Variants in LRRC1 observed in about 807,000 individuals in gnomAD.
LRRC1 encodes leucine-rich repeat-containing protein 1.
Under a neutral mutation model 69.9 loss-of-function variants are expected in LRRC1, and 28 were observed. The observed-to-expected ratio is 0.40, with a 90% CI of 0.30 to 0.55. The LOEUF is 0.55. LRRC1 is among the 20% of genes least tolerant of loss of function. LRRC1 has a pLI of 0.47. For missense variants in LRRC1, 498 were observed against 609.0 expected, an observed-to-expected ratio of 0.82 and a Z score of 1.92; for synonymous variants, 236 against 240.2, an observed-to-expected ratio of 0.98 and a Z score of 0.16.
At chr6:53,902,506 G>A (rs1001483816) in intron 8 of LRRC1, 123 bp from the exon 9 acceptor site, 2 of 530,392 alleles carry the variant, frequency 3.8e-6, no homozygotes, top group Non-Finnish European at 6.5e-6. Context: ...TGAAAAGCTA[G>A]ATGAGGAAAA....
intron 2 of LRRC1, among the ~76,000 whole-genome samples, chr6:53,876,915 C>T (rs993106119): frequency 1.4e-4 from 22 of 152,208 alleles, no homozygotes; most frequent in Non-Finnish European, 1.6e-4. Context: ...TAACGGCCCT[C>T]TTCTCGCAGT....
chr6:53,803,718 G>A (rs920278598), intron 1 of LRRC1, among the ~76,000 whole-genome samples: 18 of 152,236 alleles, frequency 1.2e-4, no homozygotes, highest in African/African-American at 4.3e-4. Context: ...GACTCAGTTG[G>A]AAGAAATTTG....
intron 2 of LRRC1, among the ~76,000 whole-genome samples, chr6:53,843,951 T>C (rs1765863038): frequency 6.6e-6 from 1 of 152,170 alleles, no homozygotes; most frequent in Non-Finnish European, 1.5e-5. Context: ...TTTATGCCAA[T>C]CATAAGACAT....
intron 2 of LRRC1, among the ~76,000 whole-genome samples, chr6:53,844,072 A>G (rs17748474): frequency 0.022 from 3,396 of 152,196 alleles, 58 homozygotes; most frequent in Non-Finnish European, 0.036. Flanking sequence ...GTTGATGAGC[A>G]GCTTCGCTTA....
chr6:53,819,395 G>A (rs1765049743), intron 1 of LRRC1, among the ~76,000 whole-genome samples: 1 of 152,086 alleles, frequency 6.6e-6, no homozygotes, highest in Non-Finnish European at 1.5e-5. Context: ...ACTTAAAGAA[G>A]ACGTTATGTT....
intron 1 of LRRC1, among the ~76,000 whole-genome samples, chr6:53,796,254 G>A (rs967430622): frequency 6.6e-6 from 1 of 152,234 alleles, no homozygotes; most frequent in Non-Finnish European, 1.5e-5. Flanking sequence ...CATTGCCGCC[G>A]AACTTGTCAA....
chr6:53,823,056 A>G (rs1017368462), intron 1 of LRRC1, among the ~76,000 whole-genome samples: 3 of 152,176 alleles, frequency 2.0e-5, no homozygotes, highest in African/African-American at 7.2e-5. Flanking sequence ...AAGGTTTTCA[A>G]AATTCTCCAG....
chr6:53,840,268 T>G (rs1205901067), intron 1 of LRRC1, among the ~76,000 whole-genome samples: 1 of 152,198 alleles, frequency 6.6e-6, no homozygotes, highest in Non-Finnish European at 1.5e-5. Flanking sequence ...AATTTTAGGT[T>G]GGGAATAATG....
chr6:53,824,875 G>A (rs1438321575), intron 1 of LRRC1, among the ~76,000 whole-genome samples: 1 of 152,154 alleles, frequency 6.6e-6, no homozygotes, highest in African/African-American at 2.4e-5. Context: ...GGGTCACCTG[G>A]CCCATGCTTG....
At position 53,805,690 on chromosome 6, in the gene LRRC1, C is replaced by G. The variant is rs116089150; in HGVS notation, c.159+10275C>G. On this transcript the variant is annotated intron_variant, in intron 1 of 13. Coordinates refer to ENST00000370888, the MANE Select transcript of LRRC1 (RefSeq NM_018214.5). The stretch of plus-strand genomic sequence containing the variant: ...AAAGTTACATGTGTTACTCTGTAGA[C>G]AGTGCTGAGAACAGTATCTGGGAGA... Among the ~76,000 whole-genome samples, 1,066 of 152,312 alleles carry G rather than the reference C, an allele frequency of 7.0e-3. 11 individuals carry two copies. The highest frequency in any genetic ancestry group is 0.024 in the African/African-American group (1,007 of 41,556).
At chr6:53,906,977 A>G (rs576634526) in intron 10 of LRRC1, among the ~76,000 whole-genome samples, 3 of 152,370 alleles carry the variant, frequency 2.0e-5, no homozygotes, top group African/African-American at 7.2e-5. Flanking sequence ...GCTGCCTAGC[A>G]GAAATGGTTG....
Position 53,878,071 on chromosome 6 carries a change from A to G in LRRC1, c.278-922A>G, listed in dbSNP as rs561366293. ...GAGGGAGTCACATCTTATGTGGATGACGACAGGCAAAGAGAGCTTGTGCAG... is the reference window on the plus strand; with the variant it reads ...GAGGGAGTCACATCTTATGTGGATGGCGACAGGCAAAGAGAGCTTGTGCAG... On this transcript the variant is annotated intron_variant, in intron 2 of 13. Coordinates refer to ENST00000370888, the MANE Select transcript of LRRC1 (RefSeq NM_018214.5). Among the ~76,000 whole-genome samples, 6 of 152,326 alleles carry G rather than the reference A, an allele frequency of 3.9e-5. No individual in the cohort carries two copies. The East Asian group carries it at 1.2e-3, about 29-fold the overall frequency.
intron 4 of LRRC1, among the ~76,000 whole-genome samples, chr6:53,888,856 A>C (rs1581901335): frequency 6.6e-6 from 1 of 152,312 alleles, no homozygotes; most frequent in East Asian, 1.9e-4. Context: ...AAATGGATAA[A>C]TTGGACTGCA....
Position 53,923,461 on chromosome 6 carries a change from G to A in LRRC1, c.*668G>A, listed in dbSNP as rs933125514. On this transcript the variant is annotated 3_prime_UTR_variant, in exon 14 of 14. Coordinates refer to ENST00000370888, the MANE Select transcript of LRRC1 (RefSeq NM_018214.5). ...TCTTTGAACAGTGTGATGAGAATAG[G>A]AATGTGGTGTTTTAAAGCAGTGTTG... is the stretch of plus-strand genomic sequence containing the variant. 10 of 152,584 alleles carry A rather than the reference G, an allele frequency of 6.6e-5. No homozygotes were observed. Among genetic ancestry groups the A allele is most frequent in the Non-Finnish European group, 2.9e-5 (2 of 68,040 alleles). The allele number at this position is 152,584 out of a possible 1,614,324, so 9.5% of individuals were successfully genotyped here. A position where few individuals can be genotyped will look rare whatever the true frequency, so the allele number is the denominator to read the frequency against.
Position 53,892,003 on chromosome 6 carries a change from T to A in LRRC1, c.447-4495T>A, listed in dbSNP as rs1294077934. ...TAAGATTCTGTCTAAAAAAAAAATA[T>A]ATATATATACACACACACACACACA... On this transcript the variant is annotated intron_variant, in intron 4 of 13. Coordinates refer to ENST00000370888, the MANE Select transcript of LRRC1 (RefSeq NM_018214.5). 1.8e-3 allele frequency among the ~76,000 whole-genome samples: 143 copies of A among 79,172 alleles called. 4 individuals are homozygous for A. In the East Asian group the frequency reaches 0.063, roughly 35 times the overall value. The allele number at this position is 79,172 out of a possible 152,430, so 51.9% of individuals were successfully genotyped here.
At chr6:53,896,675 G>C in intron 5 of LRRC1, 121 bp downstream of exon 5, 1 of 1,064,130 alleles carries the variant, frequency 9.4e-7, no homozygotes, top group Non-Finnish European at 1.4e-6. Context: ...GGGGATGCCA[G>C]CCGGCCTTTT....
intron 1 of LRRC1, among the ~76,000 whole-genome samples, chr6:53,837,327 G>C (rs1399418251): frequency 2.0e-5 from 3 of 152,062 alleles, no homozygotes; most frequent in Admixed American, 2.0e-4. Context: ...CAAATGATGT[G>C]TACTGTGCAT....
chr6:53,872,097 T>C (rs1581889677), intron 2 of LRRC1, among the ~76,000 whole-genome samples: 1 of 152,196 alleles, frequency 6.6e-6, no homozygotes, highest in East Asian at 1.9e-4. Flanking sequence ...CATTTAAGGC[T>C]TTAACCCATT....
chr6:53,837,953 A>C (rs891697064), intron 1 of LRRC1, among the ~76,000 whole-genome samples: 2 of 152,200 alleles, frequency 1.3e-5, no homozygotes, highest in Non-Finnish European at 2.9e-5. Flanking sequence ...TTAGTGAGCT[A>C]TAATCAAACA....
Sources: allele counts gnomAD v4.1 joint callset (sites outside exome capture counted in the v4.1 genomes callset), GRCh38; gene constraint gnomAD v4.1.1; transcripts MANE v1.5; gene names NCBI Gene and HGNC (gene_info 2026-07-23, HGNC 2026-07-21).